The following PTPRT variants were observed in gnomAD, a reference collection of about 807,000 sequenced individuals.
PTPRT encodes protein tyrosine phosphatase receptor type T, also known as receptor-type tyrosine-protein phosphatase T.
In PTPRT, 56 loss-of-function variants were observed where a neutral mutation model predicts 176.8. The ratio of observed to expected loss-of-function variants is 0.32; its 90% confidence interval spans 0.26 to 0.40. The LOEUF is 0.40. Among genes scored for constraint, PTPRT ranks in the 10% least tolerant of loss-of-function variants. The probability of loss-of-function intolerance (pLI) is 1.00; values close to 1 mark genes in which losing one functional copy is unlikely to be tolerated. For synonymous variants in PTPRT, 783 were observed against 739.0 expected (o/e 1.06, Z -0.96); for missense variants, 1,540 against 1,908.2 (o/e 0.81, Z 3.60).
chr20:42,255,464 G>T (rs2056621968), intron 13 of PTPRT, among the ~76,000 whole-genome samples: 1 of 152,100 alleles, frequency 6.6e-6, no homozygotes, highest in African/African-American at 2.4e-5. Flanking sequence ...TGAACTGTAG[G>T]TCATAGAGGC....
At chr20:42,190,323 T>C (rs1025280910) in intron 16 of PTPRT, among the ~76,000 whole-genome samples, 1 of 152,224 alleles carries the variant, frequency 6.6e-6, no homozygotes, top group Non-Finnish European at 1.5e-5. Context: ...GATTGTTCAC[T>C]GTTCAGACAA....
At chr20:42,793,101 G>A (rs2077400816) in intron 2 of PTPRT, among the ~76,000 whole-genome samples, 1 of 152,048 alleles carries the variant, frequency 6.6e-6, no homozygotes, top group African/African-American at 2.4e-5. Flanking sequence ...AGTTGGGTGG[G>A]TTTGTACCAA....
At chr20:43,165,458 C>T (rs1306488265) in intron 1 of PTPRT, among the ~76,000 whole-genome samples, 1 of 152,088 alleles carries the variant, frequency 6.6e-6, no homozygotes, top group African/African-American at 2.4e-5. Flanking sequence ...CCACCACACC[C>T]ACCCCTGCTA....
chr20:43,084,450 A>C (rs1352017960), intron 1 of PTPRT, among the ~76,000 whole-genome samples: 1 of 152,172 alleles, frequency 6.6e-6, no homozygotes, highest in Non-Finnish European at 1.5e-5. Context: ...AGAGCAAGCA[A>C]TGGGGAAACT....
chr20:42,691,134 A>T (rs576051768), intron 6 of PTPRT, among the ~76,000 whole-genome samples: 1 of 152,352 alleles, frequency 6.6e-6, no homozygotes, highest in South Asian at 2.1e-4. Context: ...AGCTTTATGC[A>T]TGTGGTAGCC....
Position 42,208,080 on chromosome 20 carries a change from AC to A in PTPRT, c.2343-8693del, listed in dbSNP as rs1400433274. 2.3e-5 allele frequency among the ~76,000 whole-genome samples: 3 copies of A among 129,870 alleles called. No individual in the cohort carries two copies. The East Asian group carries it at 6.2e-4, about 27-fold the overall frequency. The allele number at this position is 129,870 out of a possible 152,430, so 85.2% of individuals were successfully genotyped here. ...GAAGGAGAAATAAAATACTTTACAGACAAGCAAATGCTGAGAGATTTTGTCA... is the reference window on the plus strand; with the variant it reads ...GAAGGAGAAATAAAATACTTTACAGAAAGCAAATGCTGAGAGATTTTGTCA... On this transcript the variant is annotated intron_variant, in intron 15 of 30. Coordinates refer to ENST00000373187, the MANE Select transcript of PTPRT (RefSeq NM_007050.6).
chr20:42,363,281 TATATATATATATA>T (rs2058458548), intron 9 of PTPRT, among the ~76,000 whole-genome samples: 2 of 16,082 alleles, frequency 1.2e-4, no homozygotes, highest in African/African-American at 5.5e-4. Context: ...TATATATATA[TATATATATATATA>T]TATATATTTT....
chr20:42,457,375 C>A (rs892072585), intron 8 of PTPRT, among the ~76,000 whole-genome samples: 7 of 152,160 alleles, frequency 4.6e-5, no homozygotes, highest in Non-Finnish European at 1.0e-4. Context: ...TCTTACTGAG[C>A]ATGCGTATTA....
chr20:42,730,966 C>T (rs1418967126), intron 6 of PTPRT, among the ~76,000 whole-genome samples: 3 of 152,098 alleles, frequency 2.0e-5, no homozygotes, highest in Non-Finnish European at 4.4e-5. Context: ...ACAGCTTTCC[C>T]AAATAAATCT....
intron 7 of PTPRT, among the ~76,000 whole-genome samples, chr20:42,573,835 G>A (rs576084016): frequency 1.4e-4 from 20 of 145,936 alleles, no homozygotes; most frequent in African/African-American, 3.3e-4. Context: ...TGCATGCTCC[G>A]CCCCTCCAGG....
intron 16 of PTPRT, among the ~76,000 whole-genome samples, chr20:42,198,864 T>G (rs1459259320): frequency 6.6e-6 from 1 of 152,214 alleles, no homozygotes; most frequent in East Asian, 1.9e-4. Flanking sequence ...GTGGTGTATA[T>G]GAAACACAGA....
At chr20:42,860,068 T>C (rs2145789556) in intron 2 of PTPRT, among the ~76,000 whole-genome samples, 1 of 152,358 alleles carries the variant, frequency 6.6e-6, no homozygotes, top group South Asian at 2.1e-4. Context: ...TTAACTGAAA[T>C]GCACTGCATT....
intron 8 of PTPRT, among the ~76,000 whole-genome samples, chr20:42,462,900 C>T (rs1000179055): frequency 1.2e-4 from 19 of 152,122 alleles, no homozygotes; most frequent in Non-Finnish European, 2.5e-4. Flanking sequence ...GTACAGAATG[C>T]GAGTCCTTAA....
intron 11 of PTPRT, among the ~76,000 whole-genome samples, chr20:42,325,485 C>G (rs2057868773): frequency 6.6e-6 from 1 of 152,300 alleles, no homozygotes; most frequent in East Asian, 1.9e-4. Flanking sequence ...TGGCTCTTCT[C>G]TCTTTCAAAA....
chr20:42,504,565 C>T (rs2145428667), intron 7 of PTPRT, among the ~76,000 whole-genome samples: 1 of 152,154 alleles, frequency 6.6e-6, no homozygotes, highest in East Asian at 1.9e-4. Context: ...GTTTCATCAA[C>T]TTTTTTCCTA....
intron 7 of PTPRT, among the ~76,000 whole-genome samples, chr20:42,528,171 C>T (rs776696136): frequency 1.7e-4 from 26 of 152,060 alleles, no homozygotes; most frequent in Non-Finnish European, 2.9e-4. Flanking sequence ...TATTTAGTTC[C>T]TTCTGCCTAG....
In PTPRT at chr20:42,948,816, G is replaced by C. The variant is rs544560926; in HGVS notation, c.89-62884C>G. 3.9e-5 allele frequency among the ~76,000 whole-genome samples: 6 copies of C among 152,282 alleles called. No individual in the cohort carries two copies. In the East Asian group the frequency reaches 1.2e-3, roughly 29 times the overall value. ...CATGGATAACCAACAACCCCAGCTAGAGCGATGACTGCCACATCTGTATCA... is the reference window on the plus strand; with the variant it reads ...CATGGATAACCAACAACCCCAGCTACAGCGATGACTGCCACATCTGTATCA... On this transcript the variant is annotated intron_variant, in intron 1 of 30. Coordinates refer to ENST00000373187, the MANE Select transcript of PTPRT (RefSeq NM_007050.6).
intron 1 of PTPRT, among the ~76,000 whole-genome samples, chr20:43,066,229 G>T (rs1304298756): frequency 2.0e-5 from 3 of 152,118 alleles, no homozygotes; most frequent in Non-Finnish European, 4.4e-5. Context: ...TCACCCAGAT[G>T]GCTTCCTGCT....
intron 9 of PTPRT, among the ~76,000 whole-genome samples, chr20:42,414,606 T>C (rs1309613386): frequency 1.3e-5 from 2 of 151,964 alleles, no homozygotes; most frequent in Non-Finnish European, 2.9e-5. Context: ...AAACAGAAAA[T>C]GCAAAGGAAG....
Sources: gnomAD v4.1 joint callset for allele counts (sites outside exome capture counted in the v4.1 genomes callset) on GRCh38, gnomAD v4.1.1 for gene constraint, MANE v1.5 for transcripts, NCBI Gene and HGNC (gene_info 2026-07-23, HGNC 2026-07-21) for gene names.